The following TBX15 variants were observed in gnomAD, a reference collection of about 807,000 sequenced individuals.
The protein encoded by TBX15 is T-box transcription factor TBX15.
In TBX15, 18 loss-of-function variants were observed where a neutral mutation model predicts 53.9. The ratio of observed to expected loss-of-function variants is 0.33; its 90% CI spans 0.23 to 0.49. The LOEUF (loss-of-function observed/expected upper bound fraction) is 0.49, where lower values mean the gene tolerates loss of function less well. Among genes scored for constraint, TBX15 ranks in the 20% least tolerant of loss-of-function variants. The pLI is 0.98. For missense variants in TBX15, 692 were observed against 749.5 expected, an observed-to-expected ratio of 0.92 and a Z score of 0.90; for synonymous variants, 295 against 278.0, an observed-to-expected ratio of 1.06 and a Z score of -0.61.
chr1:118,931,508 G>A (rs1655777901), intron 2 of TBX15, 111 bp downstream of exon 2: 1 of 1,144,430 alleles, frequency 8.7e-7, no homozygotes, highest in South Asian at 1.3e-5. Flanking sequence ...GTGAGTGCAA[G>A]CTGCTTTGGT....
At chr1:118,887,961 T>C (rs1479509384) in intron 7 of TBX15, among the ~76,000 whole-genome samples, 1 of 152,202 alleles carries the variant, frequency 6.6e-6, no homozygotes, top group Non-Finnish European at 1.5e-5. Flanking sequence ...TTCAAAAGAA[T>C]TCCCCCCAAT....
intron 1 of TBX15, among the ~76,000 whole-genome samples, chr1:118,939,520 G>A (rs370658918): frequency 1.1e-4 from 17 of 147,956 alleles, no homozygotes; most frequent in East Asian, 8.0e-4. Flanking sequence ...CATAAATACA[G>A]GAACAACAGA....
intron 2 of TBX15, 90 bp downstream of exon 2, chr1:118,931,529 C>T: frequency 4.3e-6 from 6 of 1,395,792 alleles, no homozygotes; most frequent in Non-Finnish European, 6.0e-6. Context: ...TTTGTTGATG[C>T]CATCACAAAT....
upstream of TBX15, among the ~76,000 whole-genome samples, chr1:118,988,715 T>A (rs1019854872): frequency 1.3e-5 from 2 of 152,244 alleles, no homozygotes; most frequent in African/African-American, 4.8e-5. Context: ...AATGTTAACC[T>A]GTCCAAAATG....
Position 118,912,885 on chromosome 1 carries a change from A to G in TBX15, c.926+1230T>C, listed in dbSNP as rs60346627. Among the ~76,000 whole-genome samples, 363 of 152,274 alleles carry G rather than the reference A, an allele frequency of 2.4e-3. 2 individuals are homozygous for G. The highest frequency in any genetic ancestry group is 8.5e-3 in the African/African-American group (353 of 41,568). On this transcript the variant is annotated intron_variant, in intron 6 of 7. Transcript: ENST00000369429. ...CAAGTAGTTGCTTGACCAAAAATAT[A>G]TTGCTCAATTTTGTTGTCTACAAGC...
chr1:118,894,052 G>A (rs1194776532), intron 7 of TBX15, among the ~76,000 whole-genome samples: 4 of 152,182 alleles, frequency 2.6e-5, no homozygotes, highest in Non-Finnish European at 5.9e-5. Context: ...TATTTAAGCT[G>A]TGATCTCAAA....
rs140363627 is a variant in TBX15, at chr1:118,898,798, T to C, written c.1024+230A>G. Among the ~76,000 whole-genome samples the C allele has an allele frequency of 0.014, 2,059 of 152,288 alleles. 11 individuals are homozygous for C. Among genetic ancestry groups the C allele is most frequent in the Non-Finnish European group, 0.02 (1,343 of 68,010 alleles). On this transcript the variant is annotated intron_variant, in intron 7 of 7. Transcript: ENST00000369429. ...TCATTATAAATATATAACTGCACTC[T>C]TAGGAAGGGAGAGAGCATTTTGAGT...
chr1:118,907,282 G>A (rs751637302), intron 6 of TBX15, among the ~76,000 whole-genome samples: 1 of 152,154 alleles, frequency 6.6e-6, no homozygotes, highest in Non-Finnish European at 1.5e-5. Context: ...CAGGATGAAG[G>A]CTCCGTCAGA....
At chr1:118,902,236 T>C (rs901395176) in intron 6 of TBX15, among the ~76,000 whole-genome samples, 1 of 152,212 alleles carries the variant, frequency 6.6e-6, no homozygotes, top group Non-Finnish European at 1.5e-5. Context: ...CTACCTGTTT[T>C]ATTTGTCCTC....
At chr1:118,924,039 T>G (rs1295101855) in intron 4 of TBX15, among the ~76,000 whole-genome samples, 1 of 152,190 alleles carries the variant, frequency 6.6e-6, no homozygotes, top group Admixed American at 6.5e-5. Context: ...TGAGAGTAAA[T>G]GGTAGATATG....
At chr1:118,985,866 T>A (rs2101061376) in intron 1 of TBX15, among the ~76,000 whole-genome samples, 1 of 152,344 alleles carries the variant, frequency 6.6e-6, no homozygotes, top group South Asian at 2.1e-4. Flanking sequence ...TGGTTTCTTT[T>A]TGCCTCATTC....
At chr1:118,948,816 C>T (rs904310492) in intron 1 of TBX15, among the ~76,000 whole-genome samples, 1 of 152,196 alleles carries the variant, frequency 6.6e-6, no homozygotes, top group African/African-American at 2.4e-5. Flanking sequence ...GATTACACAT[C>T]TGAATTCAGT....
intron 1 of TBX15, among the ~76,000 whole-genome samples, chr1:118,967,231 A>C (rs948251024): frequency 6.6e-6 from 1 of 152,212 alleles, no homozygotes; most frequent in African/African-American, 2.4e-5. Flanking sequence ...AGACACCTAC[A>C]TTATTGACCT....
chr1:118,925,103 C>T lies in TBX15; in HGVS notation c.522-286G>A, dbSNP rs138880174. Among the ~76,000 whole-genome samples, 47 of 152,242 alleles carry T rather than the reference C, an allele frequency of 3.1e-4. 1 individual carries two copies. The East Asian group carries it at 5.6e-3, about 18-fold the overall frequency. ...CTCGCAAGGAAAACATTCTCACAGC[C>T]GTCTTCCTTTCTTCCCTCTCTCCAT... On this transcript the variant is annotated intron_variant, in intron 3 of 7. Coordinates refer to ENST00000369429, the MANE Select transcript of TBX15 (RefSeq NM_001330677.2).
In TBX15 at chr1:118,884,622, A is replaced by AAC. The variant is rs1415886738; in HGVS notation, c.*109_*110insGT. ...TTCGGCCAGAAAAAAAAAAAAAAAA[A>AAC]AAACACGGTTCCTGTTTTTCAAAGA... On this transcript the variant is annotated 3_prime_UTR_variant, in exon 8 of 8. Transcript: ENST00000369429. 9 of 1,376,486 alleles carry AAC rather than the reference A, an allele frequency of 6.5e-6. No homozygotes were observed. The highest frequency in any genetic ancestry group is 7.9e-6 in the Non-Finnish European group (8 of 1,009,622). The allele number at this position is 1,376,486 out of a possible 1,614,324, so 85.3% of individuals were successfully genotyped here. A position where few individuals can be genotyped will look rare whatever the true frequency, so the allele number is the denominator to read the frequency against.
At chr1:118,935,873 G>C (rs764576129) in intron 1 of TBX15, among the ~76,000 whole-genome samples, 19 of 152,116 alleles carry the variant, frequency 1.2e-4, no homozygotes, top group Non-Finnish European at 2.4e-4. Context: ...GACATAGCTT[G>C]TATTTTTATG....
chr1:118,924,336 A>G, intron 4 of TBX15, among the ~76,000 whole-genome samples: 1 of 152,036 alleles, frequency 6.6e-6, no homozygotes, highest in Non-Finnish European at 1.5e-5. Flanking sequence ...GAATGTTGTG[A>G]TTTTTTCTAC....
chr1:118,919,488 T>C (rs1200969741), intron 5 of TBX15, among the ~76,000 whole-genome samples: 3 of 152,094 alleles, frequency 2.0e-5, no homozygotes, highest in Admixed American at 1.3e-4. Context: ...TATTGGTCAG[T>C]AAGCAAGGAT....
chr1:118,986,757 GT>G (rs1657851900), intron 1 of TBX15, among the ~76,000 whole-genome samples: 1 of 152,184 alleles, frequency 6.6e-6, no homozygotes, highest in Non-Finnish European at 1.5e-5. Flanking sequence ...AGTTGCGAGC[GT>G]TGTATGTGCG....
Sources: allele counts gnomAD v4.1 joint callset (sites outside exome capture counted in the v4.1 genomes callset), GRCh38; gene constraint gnomAD v4.1.1; transcripts MANE v1.5; gene names NCBI Gene and HGNC (gene_info 2026-07-23, HGNC 2026-07-21).